TXK: variants seen among roughly 807,000 people sequenced by gnomAD.
TXK encodes TXK tyrosine kinase, also known as tyrosine-protein kinase TXK.
A neutral mutation model predicts 81.0 loss-of-function variants in TXK; 60 were observed. The ratio of observed to expected loss-of-function variants is 0.74; its 90% CI spans 0.60 to 0.92. TXK has a LOEUF of 0.92. Ranked by LOEUF, TXK falls within the 40% of genes least tolerant of loss-of-function variation. The probability of loss-of-function intolerance (pLI) is 0.00; values close to 1 mark genes in which losing one functional copy is unlikely to be tolerated. For synonymous variants in TXK, 203 were observed against 210.7 expected (o/e 0.96, Z 0.32); for missense variants, 581 against 638.3 (o/e 0.91, Z 0.97).
intron 9 of TXK, among the ~76,000 whole-genome samples, chr4:48,088,513 G>A (rs1717626474): frequency 6.6e-6 from 1 of 152,068 alleles, no homozygotes; most frequent in East Asian, 1.9e-4. Flanking sequence ...ACCCCACCCA[G>A]GACCATGGAT....
At chr4:48,095,395 T>C (rs769330511) in intron 6 of TXK, among the ~76,000 whole-genome samples, 173 bp from the exon 7 acceptor site, 1 of 152,232 alleles carries the variant, frequency 6.6e-6, no homozygotes, top group African/African-American at 2.4e-5. Context: ...ATCTCCCTTA[T>C]AGATTTAGAA....
intron 13 of TXK, among the ~76,000 whole-genome samples, chr4:48,072,495 T>G (rs1577645569): frequency 6.6e-6 from 1 of 152,228 alleles, no homozygotes; most frequent in East Asian, 1.9e-4. Context: ...CCCCAGAATA[T>G]CTAGCAGGGG....
At chr4:48,114,750 A>C (rs1043415920) in intron 1 of TXK, among the ~76,000 whole-genome samples, 2 of 152,222 alleles carry the variant, frequency 1.3e-5, no homozygotes, top group African/African-American at 4.8e-5. Context: ...CTCTCCTAGG[A>C]AATCTGTTAG....
chr4:48,102,795 T>C (rs1464811347), intron 6 of TXK, among the ~76,000 whole-genome samples: 2 of 152,236 alleles, frequency 1.3e-5, no homozygotes, highest in Non-Finnish European at 2.9e-5. Flanking sequence ...TGATCTATAG[T>C]ATATGTACCC....
Position 48,072,331 on chromosome 4 carries a change from C to T in TXK, c.1358-657G>A, listed in dbSNP as rs148189287. Among the ~76,000 whole-genome samples the T allele has an allele frequency of 2.5e-3, 383 of 152,288 alleles. 2 individuals carry two copies. The highest frequency in any genetic ancestry group is 8.3e-3 in the African/African-American group (343 of 41,572). ...CATTTTCATTTCTAAGCAGCAGTCACGTTCCTGCATCCTGAAATCAATGAA... is the reference window on the plus strand; with the variant it reads ...CATTTTCATTTCTAAGCAGCAGTCATGTTCCTGCATCCTGAAATCAATGAA... On this transcript the variant is annotated intron_variant, in intron 13 of 14. Transcript: ENST00000264316.
At chr4:48,072,753 G>C (rs1028752615) in intron 13 of TXK, among the ~76,000 whole-genome samples, 1 of 152,116 alleles carries the variant, frequency 6.6e-6, no homozygotes, top group African/African-American at 2.4e-5. Context: ...TAATTGTTTG[G>C]CAACCTTCGA....
At chr4:48,112,197 G>A in intron 4 of TXK, 110 bp downstream of exon 4, 1 of 1,003,924 alleles carries the variant, frequency 1.0e-6, no homozygotes, top group Non-Finnish European at 1.5e-6. Flanking sequence ...CTGGGGGAGA[G>A]GGGACAGATT....
intron 1 of TXK, among the ~76,000 whole-genome samples, chr4:48,124,319 GT>G (rs1719031256): frequency 6.6e-6 from 1 of 152,068 alleles, no homozygotes; most frequent in South Asian, 2.1e-4. Context: ...AAACCCAAGT[GT>G]TTCCAGGCAT....
rs1476278448 is a variant in TXK at position 48,103,203 on chromosome 4, A to G, written c.501+1698T>C. On this transcript the variant is annotated intron_variant, in intron 6 of 14. Transcript: ENST00000264316. ...GCAGAAGCTCTTATACTGAATCTGC[A>G]CAGCCCAGTGATTTGGGCCATATTA... Among the ~76,000 whole-genome samples the G allele has an allele frequency of 1.6e-4, 25 of 152,196 alleles. 1 individual carries two copies. Among genetic ancestry groups the G allele is most frequent in the Admixed American group, 1.6e-3 (25 of 15,278 alleles).
In TXK at chr4:48,094,289, T is replaced by C. The variant is rs1577663382; in HGVS notation, c.582-85A>G. ...ACTCATTAAACAACAGGACTCCAGT[T>C]CTAAAACTCATCCTAGCAACACTAC... On this transcript the variant is annotated intron_variant, in intron 7 of 14. Coordinates refer to ENST00000264316, the MANE Select transcript of TXK (RefSeq NM_003328.3). The C allele has an allele frequency of 3.4e-6, 5 of 1,471,694 alleles. No individual in the cohort carries two copies. The African/African-American group carries it at 4.2e-5, about 12-fold the overall frequency. The allele number at this position is 1,471,694 out of a possible 1,614,324, so 91.2% of individuals were successfully genotyped here.
rs763609913 is a variant in TXK at position 48,095,242 on chromosome 4, T to C, written c.502-20A>G. The C allele has an allele frequency of 6.3e-7, 1 of 1,591,308 alleles. No individual in the cohort carries two copies. The highest frequency in any genetic ancestry group is 8.6e-7 in the Non-Finnish European group (1 of 1,160,838). ...TTTAGACTGCAAAAAAAATCATTTA[T>C]TGAATAAGTCTATTCCTTCTTAGAA... On this transcript the variant is annotated intron_variant, in intron 6 of 14. Coordinates refer to ENST00000264316, the MANE Select transcript of TXK (RefSeq NM_003328.3).
At chr4:48,095,117 T>C (rs367686602) in intron 7 of TXK, 26 bp downstream of exon 7, 11 of 1,551,562 alleles carry the variant, frequency 7.1e-6, no homozygotes, top group African/African-American at 2.7e-5. Context: ...ATTATTTCTA[T>C]AGTAACCAAA....
Position 48,124,217 on chromosome 4 carries a change from T to TA in TXK, c.17-9816dup, listed in dbSNP as rs1474588967. On this transcript the variant is annotated intron_variant, in intron 1 of 14. Transcript: ENST00000264316. ...GCTGTCTTGTGTACCACTGAATATT[T>TA]AGGGCATCTCTGGCCTTTATGCACT... Among the ~76,000 whole-genome samples, 4 of 152,248 alleles carry TA rather than the reference T, an allele frequency of 2.6e-5. No homozygotes were observed. In the East Asian group the frequency reaches 7.7e-4, roughly 29 times the overall value.
At chr4:48,109,436 G>A (rs149004751) in intron 5 of TXK, 3 of 152,306 alleles carry the variant, frequency 2.0e-5, no homozygotes, top group African/African-American at 7.2e-5. Context: ...TCTAAGGAAG[G>A]TGGGTTCAGT....
intron 8 of TXK, among the ~76,000 whole-genome samples, chr4:48,092,056 C>T (rs1383638672): frequency 6.6e-6 from 1 of 152,068 alleles, no homozygotes; most frequent in African/African-American, 2.4e-5. Context: ...GCTTCCAACC[C>T]CTACAAGGGG....
intron 6 of TXK, among the ~76,000 whole-genome samples, chr4:48,100,436 AT>A (rs1220809777): frequency 6.6e-6 from 1 of 152,204 alleles, no homozygotes; most frequent in Non-Finnish European, 1.5e-5. Context: ...GACATATAAA[AT>A]TTAGCATATA....
In TXK at chr4:48,079,868, T is replaced by G. The variant is rs368689645; in HGVS notation, c.1173+44A>C. 3.1e-6 allele frequency: 4 copies of G among 1,300,796 alleles called. No individual in the cohort carries two copies. The Admixed American group carries it at 7.2e-5, about 23-fold the overall frequency. The allele number at this position is 1,300,796 out of a possible 1,614,324, so 80.6% of individuals were successfully genotyped here. A position where few individuals can be genotyped will look rare whatever the true frequency, so the allele number is the denominator to read the frequency against. On this transcript the variant is annotated intron_variant, in intron 11 of 14. Coordinates refer to ENST00000264316, the MANE Select transcript of TXK (RefSeq NM_003328.3). ...AGTAATTGTCACATCCTTCTGAATA[T>G]AGGTATGATACAAAAAAAAAAAGTA...
At chr4:48,082,658 G>A (rs1441481118) in intron 10 of TXK, among the ~76,000 whole-genome samples, 2 of 152,164 alleles carry the variant, frequency 1.3e-5, no homozygotes, top group East Asian at 3.9e-4. Context: ...CCTTAAGTGA[G>A]AACAGCCATT....
chr4:48,134,107 G>A (rs746474258), intron 1 of TXK, 48 bp downstream of exon 1: 19 of 1,604,944 alleles, frequency 1.2e-5, no homozygotes, highest in Admixed American at 3.4e-5. Flanking sequence ...AGAATAACAG[G>A]CCCCAGAACA....
Sources: allele counts gnomAD v4.1 joint callset (sites outside exome capture counted in the v4.1 genomes callset), GRCh38; gene constraint gnomAD v4.1.1; transcripts MANE v1.5; gene names NCBI Gene and HGNC (gene_info 2026-07-23, HGNC 2026-07-21).